The following PARD3B variants were observed in gnomAD, a reference collection of about 807,000 sequenced individuals.
PARD3B encodes the protein par-3 family cell polarity regulator beta.
In PARD3B, 103 loss-of-function variants were observed where a neutral mutation model predicts 130.2. That is an observed-to-expected ratio of 0.79 (90% CI 0.67 to 0.93). PARD3B has a LOEUF of 0.93. Among genes scored for constraint, PARD3B ranks in the 40% least tolerant of loss-of-function variants. PARD3B has a pLI of 0.00. For synonymous variants in PARD3B, 583 were observed against 553.2 expected, an observed-to-expected ratio of 1.05 and a Z score of -0.76; for missense variants, 1,609 against 1,499.2, an observed-to-expected ratio of 1.07 and a Z score of -1.21.
intron 2 of PARD3B, among the ~76,000 whole-genome samples, chr2:204,766,051 T>C (rs1322253782): frequency 6.6e-6 from 1 of 152,218 alleles, no homozygotes; most frequent in Non-Finnish European, 1.5e-5. Context: ...TTGTCTTTCC[T>C]CCCAAACTTG....
intron 1 of PARD3B, among the ~76,000 whole-genome samples, chr2:204,554,028 A>G (rs896784563): frequency 6.6e-6 from 1 of 152,062 alleles, no homozygotes; most frequent in African/African-American, 2.4e-5. Context: ...CTGTTCCCCA[A>G]TAATTTATGG....
At chr2:205,503,897 G>A (rs925502566) in intron 21 of PARD3B, among the ~76,000 whole-genome samples, 9 of 152,106 alleles carry the variant, frequency 5.9e-5, no homozygotes, top group African/African-American at 1.9e-4. Flanking sequence ...CACATCTCTT[G>A]TAAGTTGGAT....
chr2:205,236,386 A>C (rs1054946699), intron 15 of PARD3B, among the ~76,000 whole-genome samples: 1 of 147,150 alleles, frequency 6.8e-6, no homozygotes, highest in Non-Finnish European at 1.5e-5. Context: ...AGGACATTAG[A>C]AAAAAAAATT....
intron 21 of PARD3B, among the ~76,000 whole-genome samples, chr2:205,541,505 C>G (rs371553143): frequency 3.3e-5 from 5 of 152,056 alleles, no homozygotes; most frequent in Non-Finnish European, 5.9e-5. Context: ...TGTACCACCA[C>G]GCCCAGATAA....
At chr2:204,773,528 A>AACGTT (rs766938011) in intron 2 of PARD3B, among the ~76,000 whole-genome samples, 21 of 152,150 alleles carry the variant, frequency 1.4e-4, no homozygotes, top group Non-Finnish European at 2.1e-4. Context: ...TACAAAACTC[A>AACGTT]ACGTTACTGT....
intron 18 of PARD3B, among the ~76,000 whole-genome samples, chr2:205,318,852 A>C (rs747979262): frequency 6.6e-6 from 1 of 152,086 alleles, no homozygotes; most frequent in African/African-American, 2.4e-5. Context: ...CTCAGGCCAC[A>C]CTTTATGGAG....
rs1259289944 is a variant in PARD3B at position 205,352,597 on chromosome 2, G to A, written c.2631-48416G>A. Among the ~76,000 whole-genome samples the A allele has an allele frequency of 2.6e-5, 4 of 152,108 alleles. No homozygotes were observed. Among genetic ancestry groups the A allele is most frequent in the Admixed American group, 2.0e-4 (3 of 15,276 alleles). ...ATATTTCACGAGAAATAGAAGGCAC[G>A]AAATAACCATTTTGGAGCAGATACA... On this transcript the variant is annotated intron_variant, in intron 18 of 22. Transcript: ENST00000406610. This position sits in a 1 kb window ranked among gnomAD's most constrained non-coding sequence, Gnocchi z 5.2.
At chr2:205,270,337 G>A (rs1001919661) in intron 16 of PARD3B, among the ~76,000 whole-genome samples, 1 of 152,090 alleles carries the variant, frequency 6.6e-6, no homozygotes, top group Non-Finnish European at 1.5e-5. Flanking sequence ...GGGAGGCCGA[G>A]GCAGGCGGAT....
chr2:205,232,608 A>G (rs79472558), intron 15 of PARD3B, among the ~76,000 whole-genome samples: 4,266 of 152,330 alleles, frequency 0.028, 87 homozygotes, highest in East Asian at 0.086. Context: ...AGATGTTAGA[A>G]TTAGCAGACA....
chr2:205,511,677 T>C (rs2050593572), intron 21 of PARD3B, among the ~76,000 whole-genome samples: 2 of 152,256 alleles, frequency 1.3e-5, no homozygotes, highest in Non-Finnish European at 2.9e-5. Flanking sequence ...AGTGCTTAAA[T>C]GTTCTAAAAT....
chr2:204,611,683 T>A (rs759613780), intron 1 of PARD3B, among the ~76,000 whole-genome samples: 3 of 152,168 alleles, frequency 2.0e-5, no homozygotes, highest in Non-Finnish European at 4.4e-5. Flanking sequence ...AGCAGTCCCA[T>A]ATTCTTAATG....
chr2:204,994,550 T>C (rs1693979813), intron 3 of PARD3B, among the ~76,000 whole-genome samples: 1 of 146,408 alleles, frequency 6.8e-6, no homozygotes, highest in Admixed American at 6.9e-5. Context: ...AAAAAATGTA[T>C]ATTCTGTTGA....
intron 2 of PARD3B, among the ~76,000 whole-genome samples, chr2:204,706,507 G>T (rs577689803): frequency 6.6e-6 from 1 of 152,016 alleles, no homozygotes; most frequent in Non-Finnish European, 1.5e-5. Flanking sequence ...AATTGGATGG[G>T]GTGTGGTGAC....
At chr2:205,409,847 C>G (rs1297110077) in intron 19 of PARD3B, among the ~76,000 whole-genome samples, 2 of 152,048 alleles carry the variant, frequency 1.3e-5, no homozygotes, top group Non-Finnish European at 2.9e-5. Context: ...TACTGAATTA[C>G]CTAGAACGAT....
Position 205,590,513 on chromosome 2 carries a change from G to A in PARD3B, c.3261-24943G>A, listed in dbSNP as rs553140566. 6.6e-6 allele frequency among the ~76,000 whole-genome samples: 1 copy of A among 152,200 alleles called. No individual in the cohort carries two copies. Among genetic ancestry groups the A allele is most frequent in the Non-Finnish European group, 1.5e-5 (1 of 68,028 alleles). On this transcript the variant is annotated intron_variant, in intron 22 of 22. Coordinates refer to ENST00000406610, the MANE Select transcript of PARD3B (RefSeq NM_001302769.2). This position sits in a 1 kb window ranked among gnomAD's most constrained non-coding sequence, Gnocchi z 4.1. The stretch of plus-strand genomic sequence containing the variant: ...CATACACAATCACTGTGCCCGAGGG[G>A]ATGGAACGTTCTGATGATCCAGGCC...
intron 21 of PARD3B, among the ~76,000 whole-genome samples, chr2:205,511,195 G>A (rs182990084): frequency 3.9e-5 from 6 of 152,198 alleles, no homozygotes; most frequent in Admixed American, 2.6e-4. Context: ...TCAAAGTGTG[G>A]TGTTGTTTTA....
chr2:205,458,787 G>C lies in PARD3B; in HGVS notation c.3044+18115G>C, dbSNP rs189955367. ...TATTTTTGATCAAATGCTAGACACAGTCCTTGAAAAGCTGTAGAAATCTCA... is the reference window on the plus strand; with the variant it reads ...TATTTTTGATCAAATGCTAGACACACTCCTTGAAAAGCTGTAGAAATCTCA... On this transcript the variant is annotated intron_variant, in intron 20 of 22. Transcript: ENST00000406610. The surrounding 1 kb of genome is among the most constrained non-coding windows in gnomAD (Gnocchi z 4.8). Among the ~76,000 whole-genome samples, 2 of 152,216 alleles carry C rather than the reference G, an allele frequency of 1.3e-5. No homozygotes were observed. Among genetic ancestry groups the C allele is most frequent in the African/African-American group, 4.8e-5 (2 of 41,548 alleles).
intron 1 of PARD3B, among the ~76,000 whole-genome samples, chr2:204,587,446 A>G (rs896611107): frequency 1.4e-4 from 21 of 152,338 alleles, no homozygotes; most frequent in African/African-American, 3.8e-4. Flanking sequence ...AATTGTTGGT[A>G]GTCACTTTCA....
chr2:205,497,150 G>T, intron 20 of PARD3B, among the ~76,000 whole-genome samples: 1 of 146,278 alleles, frequency 6.8e-6, no homozygotes, highest in South Asian at 2.2e-4. Context: ...CTTTTTTTAA[G>T]TATAGTAAAG....
Sources: allele counts gnomAD v4.1 joint callset (sites outside exome capture counted in the v4.1 genomes callset), GRCh38; gene constraint gnomAD v4.1.1; non-coding constraint Gnocchi (gnomAD v3.1); transcripts MANE v1.5; gene names NCBI Gene and HGNC (gene_info 2026-07-23, HGNC 2026-07-21).